Variants in USP54 observed in about 807,000 individuals in gnomAD.
USP54 encodes the protein ubiquitin carboxyl-terminal hydrolase 54.
A neutral mutation model predicts 170.5 loss-of-function variants in USP54; 87 were observed. The ratio of observed to expected loss-of-function variants is 0.51; its 90% CI spans 0.43 to 0.61. USP54 has a LOEUF of 0.61. USP54 is among the 20% of genes least tolerant of loss of function. The pLI, the probability that USP54 is intolerant of heterozygous loss-of-function variation, is 0.00. For synonymous variants in USP54, 655 were observed against 742.8 expected, an observed-to-expected ratio of 0.88 and a Z score of 1.92; for missense variants, 1,786 against 2,047.8, an observed-to-expected ratio of 0.87 and a Z score of 2.47.
At chr10:73,585,213 G>A (rs1314721897) in intron 1 of USP54, among the ~76,000 whole-genome samples, 3 of 152,116 alleles carry the variant, frequency 2.0e-5, no homozygotes, top group Non-Finnish European at 2.9e-5. Context: ...GCAAAATTAA[G>A]AGGGAAAAAA....
At chr10:73,565,217 A>G (rs2074003754) in intron 4 of USP54, among the ~76,000 whole-genome samples, 1 of 152,106 alleles carries the variant, frequency 6.6e-6, no homozygotes, top group Non-Finnish European at 1.5e-5. Flanking sequence ...TTACCACAAT[A>G]TAATTTAGCA....
At chr10:73,620,346 T>C (rs547566636) in intron 1 of USP54, among the ~76,000 whole-genome samples, 1 of 149,254 alleles carries the variant, frequency 6.7e-6, no homozygotes, top group African/African-American at 2.6e-5. Context: ...AAAAGAAAGT[T>C]CTCTAGGCTT....
chr10:73,571,932 T>C (rs527393153), intron 3 of USP54, among the ~76,000 whole-genome samples: 1 of 152,352 alleles, frequency 6.6e-6, no homozygotes, highest in East Asian at 1.9e-4. Context: ...TTGTTAGGAC[T>C]CTCAATTTTC....
At chr10:73,615,590 C>T (rs2080555917) in intron 1 of USP54, among the ~76,000 whole-genome samples, 2 of 150,136 alleles carry the variant, frequency 1.3e-5, no homozygotes, top group South Asian at 2.1e-4. Context: ...AATAAATATA[C>T]ACACCTACTA....
chr10:73,581,351 A>G (rs2076883554), intron 1 of USP54, among the ~76,000 whole-genome samples: 2 of 152,226 alleles, frequency 1.3e-5, no homozygotes, highest in Non-Finnish European at 2.9e-5. Context: ...ACTGTTCCCA[A>G]TCTGAAAACA....
intron 1 of USP54, among the ~76,000 whole-genome samples, chr10:73,620,973 T>C (rs1043107929): frequency 6.7e-6 from 1 of 149,154 alleles, no homozygotes; most frequent in Admixed American, 6.6e-5. Context: ...CTGGCCAACA[T>C]GGCGAAACCC....
intron 1 of USP54, among the ~76,000 whole-genome samples, chr10:73,582,063 C>T (rs1044152106): frequency 6.6e-6 from 1 of 152,140 alleles, no homozygotes; most frequent in African/African-American, 2.4e-5. Flanking sequence ...CCCTAATTAT[C>T]CCCCACTGTA....
upstream of USP54, among the ~76,000 whole-genome samples, chr10:73,593,085 G>T (rs1589355298): frequency 6.6e-6 from 1 of 152,144 alleles, no homozygotes; most frequent in African/African-American, 2.4e-5. Context: ...TAGGCCGGGT[G>T]CAGGGGCTCA....
At chr10:73,537,036 G>C (rs2065371039) in intron 10 of USP54, among the ~76,000 whole-genome samples, 1 of 152,184 alleles carries the variant, frequency 6.6e-6, no homozygotes, top group African/African-American at 2.4e-5. Context: ...GTGGAAAAGA[G>C]AGAACAGCCA....
chr10:73,505,647 G>A (rs1219185448), intron 20 of USP54: 12 of 367,440 alleles, frequency 3.3e-5, no homozygotes, highest in Non-Finnish European at 5.5e-5. Flanking sequence ...AACACGGGCA[G>A]ATCACGAGGT....
chr10:73,591,933 T>C (rs1221537113), upstream of USP54, among the ~76,000 whole-genome samples: 1 of 152,148 alleles, frequency 6.6e-6, no homozygotes, highest in Non-Finnish European at 1.5e-5. Flanking sequence ...AGCCACACTA[T>C]TAAAGAAAAT....
rs36049099 is a variant in USP54 at position 73,596,720 on chromosome 10, C to CAAA, written c.-17-21048_-17-21046dup. ...AGTTGGACAGAGTGAGATCCTGTCTCAAAAAAAAAAAAAAAAAAAAAGGAA... is the reference window on the plus strand; with the variant it reads ...AGTTGGACAGAGTGAGATCCTGTCTCAAAAAAAAAAAAAAAAAAAAAAAAGGAA... On this transcript the variant is annotated intron_variant, in intron 1 of 22. Coordinates refer to the USP54 transcript ENST00000339859. Among the ~76,000 whole-genome samples the CAAA allele has an allele frequency of 1.5e-3, 136 of 91,340 alleles. 1 individual carries two copies. Among genetic ancestry groups the CAAA allele is most frequent in the Middle Eastern group, 6.6e-3 (1 of 152 alleles). The allele number at this position is 91,340 out of a possible 152,430, so 59.9% of individuals were successfully genotyped here.
chr10:73,598,374 A>G (rs1045834574), intron 1 of USP54, among the ~76,000 whole-genome samples: 1 of 152,208 alleles, frequency 6.6e-6, no homozygotes, highest in African/African-American at 2.4e-5. Context: ...AGCTCAAACT[A>G]TAAAACTTTT....
At chr10:73,566,767 C>T (rs1160617190) in intron 4 of USP54, among the ~76,000 whole-genome samples, 1 of 151,864 alleles carries the variant, frequency 6.6e-6, no homozygotes, top group African/African-American at 2.4e-5. Flanking sequence ...AAAAAAACAA[C>T]AACAAGGAAA....
At chr10:73,554,735 A>G (rs1421681074) in intron 4 of USP54, among the ~76,000 whole-genome samples, 1 of 152,076 alleles carries the variant, frequency 6.6e-6, no homozygotes, top group Non-Finnish European at 1.5e-5. Context: ...CACTTAACTT[A>G]CTCTCAGATC....
rs1009367735 is a variant in USP54, at chr10:73,545,765, T to C, written c.241-93A>G. On this transcript the variant is annotated intron_variant, in intron 4 of 23. Coordinates refer to ENST00000687698, the MANE Select transcript of USP54 (RefSeq NM_001391956.1). ...TGTCATGCTAGCATCTCCATGATGA[T>C]AGCTATGAAACCAAATGTGCTTCCC... The C allele has an allele frequency of 8.9e-6, 13 of 1,463,848 alleles. No homozygotes were observed. In the East Asian group the frequency reaches 2.6e-4, roughly 29 times the overall value. The allele number at this position is 1,463,848 out of a possible 1,614,324, so 90.7% of individuals were successfully genotyped here.
intron 1 of USP54, among the ~76,000 whole-genome samples, chr10:73,590,203 AC>A (rs2078075768): frequency 6.6e-6 from 1 of 152,222 alleles, no homozygotes; most frequent in African/African-American, 2.4e-5. Context: ...TTGTAGAGGG[AC>A]AATACTACTA....
At chr10:73,557,210 C>G (rs1476622516) in intron 4 of USP54, among the ~76,000 whole-genome samples, 1 of 152,122 alleles carries the variant, frequency 6.6e-6, no homozygotes, top group Non-Finnish European at 1.5e-5. Context: ...TAAATAAGAC[C>G]ACTGGGCTAC....
At chr10:73,518,482 A>G (rs947253441) in intron 19 of USP54, among the ~76,000 whole-genome samples, 6 of 152,152 alleles carry the variant, frequency 3.9e-5, no homozygotes, top group African/African-American at 1.2e-4. Flanking sequence ...TCGATCACTC[A>G]CATACATCAG....
Sources: gnomAD v4.1 joint callset for allele counts (sites outside exome capture counted in the v4.1 genomes callset) on GRCh38, gnomAD v4.1.1 for gene constraint, MANE v1.5 for transcripts, NCBI Gene and HGNC (gene_info 2026-07-23, HGNC 2026-07-21) for gene names.